The following TRPM7 variants were observed in gnomAD, a reference collection of about 807,000 sequenced individuals.
The protein encoded by TRPM7 is LTRPC ion channel family member 7.
Under a neutral mutation model 229.7 loss-of-function variants are expected in TRPM7, and 134 were observed. That is an observed-to-expected ratio of 0.58 (90% CI 0.51 to 0.67). The LOEUF (loss-of-function observed/expected upper bound fraction) is 0.67, where lower values mean the gene tolerates loss of function less well. TRPM7 is among the 30% of genes least tolerant of loss of function. TRPM7 has a pLI of 0.00. For synonymous variants in TRPM7, 699 were observed against 715.2 expected (o/e 0.98, Z 0.36); for missense variants, 1,901 against 2,210.0 (o/e 0.86, Z 2.80).
chr15:50,594,005 ATC>A (rs2059571703), intron 24 of TRPM7, among the ~76,000 whole-genome samples: 1 of 152,202 alleles, frequency 6.6e-6, no homozygotes, highest in African/African-American at 2.4e-5. Context: ...TCCCTCCGCT[ATC>A]TCTCTCATAC....
Position 50,592,149 on chromosome 15 carries a change from A to AG in TRPM7, c.4085dup (p.Pro1363SerfsTer17), listed in dbSNP as rs779309144. On this transcript the variant is annotated frameshift_variant, in exon 26 of 39. Coordinates refer to ENST00000646667, the MANE Select transcript of TRPM7 (RefSeq NM_017672.6). LOFTEE classifies it high-confidence loss of function. Reference sequence around the variant, plus strand: ...CATGTAGTCTCTGTCGCAGTTCTGGAGGGGAAACAGCACTTGGGAATAAGG... The same window carrying AG: ...CATGTAGTCTCTGTCGCAGTTCTGGAGGGGGAAACAGCACTTGGGAATAAGG... 1.2e-6 allele frequency: 2 copies of AG among 1,613,756 alleles called. No individual in the cohort carries two copies. The highest frequency in any genetic ancestry group is 1.7e-6 in the Non-Finnish European group (2 of 1,179,876).
intron 12 of TRPM7, among the ~76,000 whole-genome samples, chr15:50,620,075 C>A (rs538301446): frequency 5.9e-5 from 9 of 152,272 alleles, no homozygotes; most frequent in Non-Finnish European, 1.0e-4. Flanking sequence ...ACATTTCTTT[C>A]ATTGATAATG....
chr15:50,610,051 G>T (rs953153601), intron 17 of TRPM7, 90 bp from the exon 18 acceptor site: 2 of 1,007,138 alleles, frequency 2.0e-6, no homozygotes, highest in Non-Finnish European at 2.8e-6. Context: ...AACAATAAAA[G>T]ATTTTAAATA....
rs1192175155 is a variant in TRPM7 at position 50,612,767 on chromosome 15, A to T, written c.1833T>A (p.Asp611Glu). 1.9e-6 allele frequency: 3 copies of T among 1,614,154 alleles called. No homozygotes were observed. The East Asian group carries it at 6.7e-5, about 36-fold the overall frequency. ...AAGGAAAGCGCTTGGTTTCTGGATC[A>T]TCAATGTCTACAATTTCATCTTTGG... is the stretch of plus-strand genomic sequence containing the variant. ...KRTKDEIVDI[D>E]DPETKRFPYP... The change falls in exon 16 of 39, where the codon GAT (aspartate) becomes GAA (glutamate). Residue 611 changes from aspartate to glutamate, a missense_variant. Transcript: ENST00000646667.
intron 36 of TRPM7, among the ~76,000 whole-genome samples, chr15:50,572,764 T>C (rs1297567148): frequency 6.6e-6 from 1 of 152,384 alleles, no homozygotes; most frequent in African/African-American, 2.4e-5. Flanking sequence ...TGTTTTTACA[T>C]AGATTTTCAT....
chr15:50,658,237 C>G (rs113705057), intron 2 of TRPM7, among the ~76,000 whole-genome samples: 3,074 of 152,040 alleles, frequency 0.02, 117 homozygotes, highest in African/African-American at 0.071. Context: ...GATCTCCTGA[C>G]CTTGTGATCC....
chr15:50,593,468 G>GAACT, intron 25 of TRPM7, 149 bp downstream of exon 25: 3 of 808,964 alleles, frequency 3.7e-6, no homozygotes, highest in Non-Finnish European at 5.7e-6. Flanking sequence ...AGTATTAATA[G>GAACT]AACTGAACGA....
chr15:50,587,564 TTTTC>T (rs1038288527), intron 27 of TRPM7, among the ~76,000 whole-genome samples: 21 of 152,236 alleles, frequency 1.4e-4, no homozygotes, highest in East Asian at 1.2e-3. Flanking sequence ...TCAGCACGTT[TTTTC>T]TTTAAGTTCA....
chr15:50,664,202 G>A (rs1448312975), intron 1 of TRPM7, among the ~76,000 whole-genome samples: 2 of 151,234 alleles, frequency 1.3e-5, no homozygotes, highest in African/African-American at 4.9e-5. Context: ...GGAGGCTGAG[G>A]CAGGAGAATC....
At chr15:50,651,955 A>T (rs1335965503) in intron 3 of TRPM7, among the ~76,000 whole-genome samples, 1 of 152,076 alleles carries the variant, frequency 6.6e-6, no homozygotes, top group Non-Finnish European at 1.5e-5. Context: ...AATTTCATTT[A>T]AAAAATAACC....
chr15:50,633,553 A>T (rs1438807105), intron 8 of TRPM7, among the ~76,000 whole-genome samples: 1 of 152,088 alleles, frequency 6.6e-6, no homozygotes, highest in Non-Finnish European at 1.5e-5. Context: ...CTCTCCTTTT[A>T]TTCTATATAA....
At chr15:50,662,367 T>A (rs1375804120) in intron 2 of TRPM7, among the ~76,000 whole-genome samples, 1 of 150,602 alleles carries the variant, frequency 6.6e-6, no homozygotes, top group East Asian at 1.9e-4. Context: ...TTGGCAAAAA[T>A]GTTTAAGTAA....
At chr15:50,646,056 G>A (rs933827102) in intron 4 of TRPM7, among the ~76,000 whole-genome samples, 19 of 150,926 alleles carry the variant, frequency 1.3e-4, no homozygotes, top group Middle Eastern at 3.4e-3. Flanking sequence ...GGCAGAGGTT[G>A]CAGTGAGCTG....
chr15:50,620,673 A>T (rs1208586971), intron 12 of TRPM7, among the ~76,000 whole-genome samples: 1 of 152,140 alleles, frequency 6.6e-6, no homozygotes, highest in Admixed American at 6.6e-5. Context: ...GCTCAAGCCT[A>T]TAATCCCAGC....
intron 3 of TRPM7, among the ~76,000 whole-genome samples, chr15:50,653,786 A>G (rs994289266): frequency 1.3e-5 from 2 of 152,200 alleles, no homozygotes; most frequent in East Asian, 3.8e-4. Flanking sequence ...GGGATTCACC[A>G]TGGGTCTTTG....
intron 33 of TRPM7, 136 bp from the exon 34 acceptor site, chr15:50,575,271 A>C: frequency 1.6e-6 from 1 of 635,158 alleles, no homozygotes; most frequent in Non-Finnish European, 2.5e-6. Flanking sequence ...ATACAAAGAA[A>C]TTTAATAGCA....
intron 38 of TRPM7, among the ~76,000 whole-genome samples, chr15:50,564,760 T>C (rs1403676436): frequency 6.6e-6 from 1 of 152,124 alleles, no homozygotes; most frequent in African/African-American, 2.4e-5. Context: ...ACAGCCTATA[T>C]TAAACAATCC....
At position 50,612,613 on chromosome 15, in the gene TRPM7, C is replaced by T; in HGVS notation, c.1987G>A (p.Ala663Thr). 1 of 1,614,062 alleles carries T rather than the reference C, an allele frequency of 6.2e-7. No individual in the cohort carries two copies. Among genetic ancestry groups the T allele is most frequent in the Non-Finnish European group, 8.5e-7 (1 of 1,179,978 alleles). The change falls in exon 16 of 39, where the codon GCA (alanine) becomes ACA (threonine). Residue 663 changes from alanine to threonine, a missense_variant. Ala to Thr is a moderately conservative substitution (Grantham distance 58). Around this residue, in one of 8 missense-constraint regions of TRPM7, gnomAD observed 794 missense variants for 881.9 expected, o/e 0.90. Coordinates refer to ENST00000646667, the MANE Select transcript of TRPM7 (RefSeq NM_017672.6). ...AGGTCACTCTGCTTTGCTTCATATG[C>T]CATTGAACGATAGATCTTACAGGCA... ...LVACKIYRSMAYEAKQSDLVD... is the reference protein window; with the variant it reads ...LVACKIYRSMTYEAKQSDLVD...
chr15:50,580,529 G>C (rs2054348616), intron 30 of TRPM7, among the ~76,000 whole-genome samples: 1 of 152,072 alleles, frequency 6.6e-6, no homozygotes, highest in Non-Finnish European at 1.5e-5. Context: ...GAGAAATCAA[G>C]CAAGTACAAA....
Sources: gnomAD v4.1 joint callset for allele counts (sites outside exome capture counted in the v4.1 genomes callset) on GRCh38, gnomAD v4.1.1 for gene constraint, gnomAD v4.1.1 regional missense constraint, MANE v1.5 for transcripts, NCBI Gene and HGNC (gene_info 2026-07-23, HGNC 2026-07-21) for gene names.